MAP4K3: variants seen among roughly 807,000 people sequenced by gnomAD.
The protein encoded by MAP4K3 is MAPK/ERK kinase kinase kinase 3.
In MAP4K3, 94 loss-of-function variants were observed where a neutral mutation model predicts 143.5. That is an observed-to-expected ratio of 0.65 (90% CI 0.55 to 0.78). The LOEUF (loss-of-function observed/expected upper bound fraction) is 0.78, where lower values mean the gene tolerates loss of function less well. Ranked by LOEUF, MAP4K3 falls within the 30% of genes least tolerant of loss-of-function variation. The pLI is 0.00. For missense variants in MAP4K3, 1,077 were observed against 1,068.1 expected (o/e 1.01, Z -0.12); for synonymous variants, 416 against 347.2 (o/e 1.20, Z -2.20).
At chr2:39,257,293 G>C (rs559936941) in intron 31 of MAP4K3, among the ~76,000 whole-genome samples, 6 of 152,010 alleles carry the variant, frequency 3.9e-5, no homozygotes, top group Non-Finnish European at 8.8e-5. Context: ...TAAAAGTATT[G>C]ATTGTCAGAA....
At chr2:39,423,655 A>C (rs1664962726) in intron 1 of MAP4K3, among the ~76,000 whole-genome samples, 1 of 152,266 alleles carries the variant, frequency 6.6e-6, no homozygotes, top group Non-Finnish European at 1.5e-5. Flanking sequence ...AAGGGAAAGA[A>C]GACAGTCTGA....
chr2:39,417,258 C>A (rs1360900269), intron 1 of MAP4K3, among the ~76,000 whole-genome samples: 1 of 145,068 alleles, frequency 6.9e-6, no homozygotes, highest in South Asian at 2.1e-4. Context: ...CTTGCCCTGT[C>A]GCCCAGGCTG....
intron 6 of MAP4K3, among the ~76,000 whole-genome samples, chr2:39,336,579 C>T (rs1573168016): frequency 6.7e-6 from 1 of 149,734 alleles, no homozygotes; most frequent in African/African-American, 2.5e-5. Context: ...TGCGAAAGCT[C>T]ACTGAAATAG....
intron 27 of MAP4K3, among the ~76,000 whole-genome samples, chr2:39,265,924 A>G (rs1028244513): frequency 2.6e-5 from 4 of 152,180 alleles, no homozygotes; most frequent in African/African-American, 7.2e-5. Flanking sequence ...ATATATGTGA[A>G]GTAAATATAT....
At chr2:39,264,661 A>G (rs951545316) in intron 28 of MAP4K3, among the ~76,000 whole-genome samples, 4 of 152,212 alleles carry the variant, frequency 2.6e-5, no homozygotes, top group African/African-American at 9.7e-5. Context: ...TACTTCACAC[A>G]TTTTAAAAGT....
intron 28 of MAP4K3, among the ~76,000 whole-genome samples, chr2:39,262,979 G>A (rs1680626138): frequency 6.6e-6 from 1 of 151,850 alleles, no homozygotes; most frequent in African/African-American, 2.4e-5. Context: ...TGTAATCCCA[G>A]CTACTCGGGA....
At chr2:39,336,333 C>A (rs1664958394) in intron 6 of MAP4K3, among the ~76,000 whole-genome samples, 1 of 151,674 alleles carries the variant, frequency 6.6e-6, no homozygotes, top group African/African-American at 2.4e-5. Context: ...ATTAGCCAAG[C>A]ATGGTGGCAG....
chr2:39,406,002 A>G (rs1012138154), intron 1 of MAP4K3, among the ~76,000 whole-genome samples: 1 of 152,146 alleles, frequency 6.6e-6, no homozygotes, highest in Non-Finnish European at 1.5e-5. Context: ...AACTCAGAGA[A>G]GGAATTCAGA....
At chr2:39,296,082 T>C (rs1019352110) in intron 16 of MAP4K3, among the ~76,000 whole-genome samples, 4 of 152,136 alleles carry the variant, frequency 2.6e-5, no homozygotes, top group African/African-American at 9.7e-5. Flanking sequence ...AAGAGAATGG[T>C]TGAATAAGTG....
chr2:39,337,752 GTTTTTTTTTTTTTTT>G (rs570853243), intron 4 of MAP4K3, among the ~76,000 whole-genome samples, 171 bp from the exon 5 acceptor site: 1 of 70,516 alleles, frequency 1.4e-5, no homozygotes, highest in South Asian at 7.6e-4. Flanking sequence ...CCTGGCTCCA[GTTTTTTTTTTTTTTT>G]TTTTTTTTTT....
At chr2:39,327,335 A>G (rs746054913) in intron 8 of MAP4K3, among the ~76,000 whole-genome samples, 2 of 152,190 alleles carry the variant, frequency 1.3e-5, no homozygotes, top group Non-Finnish European at 2.9e-5. Flanking sequence ...ACAAGTGTCT[A>G]CTTTTAAAAA....
At chr2:39,436,751 C>A (rs564259106) in intron 1 of MAP4K3, 141 bp downstream of exon 1, 52 of 684,022 alleles carry the variant, frequency 7.6e-5, no homozygotes, top group Admixed American at 5.9e-4. Flanking sequence ...GCAGCAGAGC[C>A]CTTGGCGTCC....
chr2:39,354,718 T>C (rs528548243), intron 3 of MAP4K3, among the ~76,000 whole-genome samples: 1 of 151,224 alleles, frequency 6.6e-6, no homozygotes, highest in Admixed American at 6.6e-5. Context: ...TTAACCAAGG[T>C]GGGGCAATCA....
intron 1 of MAP4K3, among the ~76,000 whole-genome samples, chr2:39,425,625 C>T (rs536677087): frequency 4.9e-4 from 75 of 152,260 alleles, no homozygotes; most frequent in African/African-American, 1.8e-3. Flanking sequence ...AGAAACCTGG[C>T]ATCTTGATCT....
At chr2:39,394,413 C>T (rs889834668) in intron 1 of MAP4K3, among the ~76,000 whole-genome samples, 2 of 152,194 alleles carry the variant, frequency 1.3e-5, no homozygotes, top group African/African-American at 4.8e-5. Flanking sequence ...AAAAATTCTA[C>T]TTTATCCCAG....
intron 2 of MAP4K3, among the ~76,000 whole-genome samples, chr2:39,370,850 ATAAG>A (rs1666061942): frequency 6.6e-6 from 1 of 152,212 alleles, no homozygotes; most frequent in African/African-American, 2.4e-5. Flanking sequence ...ACAAATGAGT[ATAAG>A]TAACTTTTAA....
At chr2:39,399,353 A>G (rs1335052601) in intron 1 of MAP4K3, among the ~76,000 whole-genome samples, 1 of 152,252 alleles carries the variant, frequency 6.6e-6, no homozygotes, top group East Asian at 1.9e-4. Flanking sequence ...GGCTAGGATT[A>G]TGCTAAAACT....
At chr2:39,404,668 C>T (rs1411533098) in intron 1 of MAP4K3, among the ~76,000 whole-genome samples, 1 of 127,000 alleles carries the variant, frequency 7.9e-6, no homozygotes, top group African/African-American at 3.1e-5. Flanking sequence ...ATTGCCCAGG[C>T]TGGAGTGCAA....
In MAP4K3 at chr2:39,326,131, T is replaced by TG. The variant is rs1683482617; in HGVS notation, c.662+14dup. ...AAACCTTAAGCGTAAGATTCTTCAA[T>TG]GATGATGCACTGACCTCATTGGGTG... On this transcript the variant is annotated intron_variant, in intron 9 of 33. Transcript: ENST00000263881. 6.2e-7 allele frequency: 1 copy of TG among 1,606,566 alleles called. No individual in the cohort carries two copies. Among genetic ancestry groups the TG allele is most frequent in the South Asian group, 1.1e-5 (1 of 89,312 alleles).
Sources: allele counts gnomAD v4.1 joint callset (sites outside exome capture counted in the v4.1 genomes callset), GRCh38; gene constraint gnomAD v4.1.1; transcripts MANE v1.5; gene names NCBI Gene and HGNC (gene_info 2026-07-23, HGNC 2026-07-21).